The following EPHA3 variants were observed in gnomAD, a reference collection of about 807,000 sequenced individuals.
EPHA3 encodes the protein EPH receptor A3.
Under a neutral mutation model 107.1 loss-of-function variants are expected in EPHA3, and 42 were observed. That is an observed-to-expected ratio of 0.39 (90% CI 0.31 to 0.51). The LOEUF is 0.51. EPHA3 is among the 20% of genes least tolerant of loss of function. The pLI, the probability that EPHA3 is intolerant of heterozygous loss-of-function variation, is 0.78. For missense variants in EPHA3, 1,183 were observed against 1,211.2 expected (o/e 0.98, Z 0.35); for synonymous variants, 461 against 424.8 (o/e 1.09, Z -1.05).
intron 15 of EPHA3, among the ~76,000 whole-genome samples, chr3:89,467,884 C>G (rs956923428): frequency 2.0e-5 from 3 of 152,186 alleles, no homozygotes; most frequent in African/African-American, 7.2e-5. Context: ...TCAGGTGGAG[C>G]TCTGTAGGAC....
At chr3:89,307,498 G>A (rs1039543724) in intron 3 of EPHA3, among the ~76,000 whole-genome samples, 2 of 152,138 alleles carry the variant, frequency 1.3e-5, no homozygotes, top group African/African-American at 4.8e-5. Context: ...TACAAATATT[G>A]TCTAAATGGT....
intron 3 of EPHA3, among the ~76,000 whole-genome samples, chr3:89,286,392 T>G (rs1706084170): frequency 1.3e-5 from 2 of 152,126 alleles, no homozygotes; most frequent in South Asian, 4.1e-4. Flanking sequence ...ATCATCTGAT[T>G]AATGTTTCCT....
At chr3:89,271,520 C>T (rs1009107655) in intron 3 of EPHA3, among the ~76,000 whole-genome samples, 3 of 151,782 alleles carry the variant, frequency 2.0e-5, no homozygotes, top group African/African-American at 7.3e-5. Context: ...CTGATCATGT[C>T]TAATATGCTT....
At chr3:89,210,652 T>TAGAC in intron 3 of EPHA3, 132 bp downstream of exon 3, 2 of 890,944 alleles carry the variant, frequency 2.2e-6, no homozygotes, top group Non-Finnish European at 3.3e-6. Flanking sequence ...CATAGTCTAT[T>TAGAC]TATGGACTAA....
intron 5 of EPHA3, among the ~76,000 whole-genome samples, chr3:89,346,244 A>C (rs1430819645): frequency 7.8e-6 from 1 of 128,332 alleles, no homozygotes; most frequent in African/African-American, 3.1e-5. Flanking sequence ...ACAGTGTAAA[A>C]GTGTTCCTGT....
chr3:89,400,223 T>C (rs528095149), intron 7 of EPHA3: 189 of 341,706 alleles, frequency 5.5e-4, no homozygotes, highest in Non-Finnish European at 7.7e-4. Context: ...AGACGGAGTC[T>C]TGCTCTGTCA....
intron 5 of EPHA3, among the ~76,000 whole-genome samples, chr3:89,346,618 T>G (rs535413694): frequency 6.6e-6 from 1 of 151,036 alleles, no homozygotes; most frequent in Non-Finnish European, 1.5e-5. Flanking sequence ...AGCTCTTTAT[T>G]TTAATTAGAT....
intron 5 of EPHA3, among the ~76,000 whole-genome samples, chr3:89,384,871 A>T (rs1708585587): frequency 6.6e-6 from 1 of 152,200 alleles, no homozygotes; most frequent in African/African-American, 2.4e-5. Context: ...ATGTCCCAGG[A>T]TAGGGATCAC....
At chr3:89,376,291 T>G (rs2107477963) in intron 5 of EPHA3, among the ~76,000 whole-genome samples, 1 of 151,862 alleles carries the variant, frequency 6.6e-6, no homozygotes, top group East Asian at 1.9e-4. Context: ...AATACATGAA[T>G]CTAATATATA....
chr3:89,211,745 T>TCTC (rs1704099494), intron 3 of EPHA3, among the ~76,000 whole-genome samples: 1 of 20,360 alleles, frequency 4.9e-5, no homozygotes, highest in Non-Finnish European at 1.1e-4. Context: ...TTCTTCTCCT[T>TCTC]CTTCTTCTTC....
At chr3:89,411,913 T>C (rs1709160416) in intron 9 of EPHA3, among the ~76,000 whole-genome samples, 3 of 152,068 alleles carry the variant, frequency 2.0e-5, no homozygotes, top group South Asian at 4.1e-4. Context: ...TAATATCTGA[T>C]TTCATTTGTT....
At chr3:89,231,394 G>A (rs1704631390) in intron 3 of EPHA3, among the ~76,000 whole-genome samples, 1 of 152,058 alleles carries the variant, frequency 6.6e-6, no homozygotes, top group Admixed American at 6.6e-5. Context: ...AAACAACCTA[G>A]ATTTTAGGTA....
chr3:89,391,782 C>A (rs1365777709), intron 5 of EPHA3, among the ~76,000 whole-genome samples: 1 of 152,058 alleles, frequency 6.6e-6, no homozygotes, highest in Non-Finnish European at 1.5e-5. Flanking sequence ...ATCAATACCA[C>A]TTTACAAAGT....
chr3:89,327,257 A>C (rs889448290), intron 3 of EPHA3, among the ~76,000 whole-genome samples: 2 of 152,176 alleles, frequency 1.3e-5, no homozygotes, highest in African/African-American at 4.8e-5. Context: ...TTTCAACTGA[A>C]TATAGCACAC....
chr3:89,215,250 G>A (rs1423158656), intron 3 of EPHA3, among the ~76,000 whole-genome samples: 3 of 151,840 alleles, frequency 2.0e-5, no homozygotes, highest in Non-Finnish European at 4.4e-5. Context: ...GTGCTTACAC[G>A]AATTATTATT....
chr3:89,481,562 A>G lies in EPHA3; in HGVS notation c.*2060A>G. ...TGAGCATACTCAACAAAACCCATGC[A>G]TTTCATAAACTAATAGAAGTTGAGG... On this transcript the variant is annotated 3_prime_UTR_variant, in exon 17 of 17. Coordinates refer to ENST00000336596, the MANE Select transcript of EPHA3 (RefSeq NM_005233.6). The G allele has an allele frequency of 4.3e-6, 1 of 232,610 alleles. No individual in the cohort carries two copies. Among genetic ancestry groups the G allele is most frequent in the Non-Finnish European group, 8.5e-6 (1 of 117,518 alleles). 14.4% of individuals were successfully genotyped at this position (232,610 alleles called of 1,614,324 possible). A position where few individuals can be genotyped will look rare whatever the true frequency, so the allele number is the denominator to read the frequency against.
intron 5 of EPHA3, among the ~76,000 whole-genome samples, chr3:89,347,087 A>C (rs1250115005): frequency 1.4e-5 from 2 of 144,088 alleles, no homozygotes; most frequent in Non-Finnish European, 3.0e-5. Context: ...CTTAGGATTG[A>C]CTTGGCAATG....
chr3:89,326,056 CT>C (rs1256308940), intron 3 of EPHA3, among the ~76,000 whole-genome samples: 4 of 150,576 alleles, frequency 2.7e-5, no homozygotes, highest in African/African-American at 4.9e-5. Flanking sequence ...CTGGGAAGTC[CT>C]TTTTTTCTGG....
At chr3:89,203,427 A>G (rs1282286504) in intron 2 of EPHA3, among the ~76,000 whole-genome samples, 1 of 152,068 alleles carries the variant, frequency 6.6e-6, no homozygotes, top group Non-Finnish European at 1.5e-5. Flanking sequence ...TATCATTGCA[A>G]CAGACCTGAG....
Sources: allele counts gnomAD v4.1 joint callset (sites outside exome capture counted in the v4.1 genomes callset), GRCh38; gene constraint gnomAD v4.1.1; transcripts MANE v1.5; gene names NCBI Gene and HGNC (gene_info 2026-07-23, HGNC 2026-07-21).